IKZF1: variants seen among roughly 807,000 people sequenced by gnomAD.
IKZF1 encodes IKAROS family zinc finger 1.
IKZF1 carries 10 observed loss-of-function variants against 51.7 expected under a neutral mutation model. The ratio of observed to expected loss-of-function variants is 0.19; its 90% confidence interval spans 0.12 to 0.33. The LOEUF (loss-of-function observed/expected upper bound fraction) is 0.33, where lower values mean the gene tolerates loss of function less well. Among genes scored for constraint, IKZF1 ranks in the 10% least tolerant of loss-of-function variants. The pLI is 1.00. For synonymous variants in IKZF1, 280 were observed against 282.3 expected (o/e 0.99, Z 0.08); for missense variants, 484 against 707.5 (o/e 0.68, Z 3.58).
chr7:50,307,865 G>A (rs1207333551), intron 1 of IKZF1, among the ~76,000 whole-genome samples: 1 of 152,112 alleles, frequency 6.6e-6, no homozygotes, highest in South Asian at 2.1e-4. Flanking sequence ...TGTTAGGGAC[G>A]CAGAGCACCT....
chr7:50,319,205 T>C, intron 2 of IKZF1, 104 bp downstream of exon 2: 1 of 847,408 alleles, frequency 1.2e-6, no homozygotes, highest in East Asian at 2.5e-5. Context: ...ATAGGGGCTA[T>C]TCTGCAAAAG....
At chr7:50,316,362 T>C (rs185485747) in intron 1 of IKZF1, among the ~76,000 whole-genome samples, 3 of 152,322 alleles carry the variant, frequency 2.0e-5, no homozygotes, top group African/African-American at 7.2e-5. Flanking sequence ...GTGGTTGAAA[T>C]TGTGTATGCA....
At chr7:50,353,178 G>C (rs1391662009) in intron 3 of IKZF1, among the ~76,000 whole-genome samples, 2 of 152,236 alleles carry the variant, frequency 1.3e-5, no homozygotes, top group East Asian at 3.8e-4. Flanking sequence ...ACAGGAGGCA[G>C]GGAGAGCAAT....
At chr7:50,396,282 C>T (rs1816685272) in intron 7 of IKZF1, among the ~76,000 whole-genome samples, 1 of 152,028 alleles carries the variant, frequency 6.6e-6, no homozygotes, top group Non-Finnish European at 1.5e-5. Flanking sequence ...ACTCACTGTT[C>T]TCTTGTGGTT....
chr7:50,399,928 C>T lies in IKZF1; in HGVS notation c.861C>T (p.Gly287=), dbSNP rs572846532. The change falls in exon 8 of 8, where the codon GGC becomes GGT. Residue 287 remains glycine, a synonymous_variant. Coordinates refer to ENST00000331340, the MANE Select transcript of IKZF1 (RefSeq NM_006060.6). ...SMPQKFLGDK[G]LSDTPYDSSA... is the part of the protein sequence containing the mutation. ...GCCTGCTTTCCACAGGGGACAAGGG[C>T]CTGTCCGACACGCCCTACGACAGCA... The T allele has an allele frequency of 1.9e-6, 3 of 1,612,280 alleles. No individual in the cohort carries two copies. In the East Asian group the frequency reaches 6.7e-5, roughly 36 times the overall value.
At chr7:50,356,522 A>G (rs1161938784) in intron 3 of IKZF1, among the ~76,000 whole-genome samples, 1 of 151,974 alleles carries the variant, frequency 6.6e-6, no homozygotes, top group Non-Finnish European at 1.5e-5. Flanking sequence ...CTGTGTGTAC[A>G]TGTGTGTCTG....
intron 6 of IKZF1, among the ~76,000 whole-genome samples, chr7:50,391,100 A>G (rs1814909761): frequency 6.6e-6 from 1 of 152,252 alleles, no homozygotes; most frequent in African/African-American, 2.4e-5. Flanking sequence ...GAGATGACAT[A>G]GAACAATTGA....
At chr7:50,365,958 A>G (rs895622977) in intron 3 of IKZF1, among the ~76,000 whole-genome samples, 1 of 152,232 alleles carries the variant, frequency 6.6e-6, no homozygotes, top group African/African-American at 2.4e-5. Context: ...AAAAAGAATG[A>G]GATCATGCCC....
chr7:50,343,815 T>C (rs1033541350), intron 3 of IKZF1, among the ~76,000 whole-genome samples: 5 of 152,258 alleles, frequency 3.3e-5, no homozygotes, highest in Admixed American at 2.0e-4. Flanking sequence ...CCTGTTTTGA[T>C]TACCTTCAGA....
At chr7:50,396,926 T>C (rs1221216437) in intron 7 of IKZF1, among the ~76,000 whole-genome samples, 1 of 152,254 alleles carries the variant, frequency 6.6e-6, no homozygotes, top group African/African-American at 2.4e-5. Context: ...CCCTTCAGTG[T>C]AGACCACAGA....
chr7:50,391,435 A>G (rs1424541842), intron 6 of IKZF1, among the ~76,000 whole-genome samples: 1 of 152,170 alleles, frequency 6.6e-6, no homozygotes, highest in Non-Finnish European at 1.5e-5. Context: ...GGACATCAAT[A>G]CTTAATCCCA....
At position 50,376,675 on chromosome 7, in the gene IKZF1, C is replaced by CTCGGCTTTG. The variant is rs1161862095; in HGVS notation, c.308_316dup (p.Ala103_Ser105dup). The CTCGGCTTTG allele has an allele frequency of 6.2e-7, 1 of 1,613,878 alleles. No individual in the cohort carries two copies. Among genetic ancestry groups the CTCGGCTTTG allele is most frequent in the African/African-American group, 1.3e-5 (1 of 74,914 alleles). On this transcript the variant is annotated inframe_insertion, in exon 4 of 8. Transcript: ENST00000331340. The surrounding 1 kb of genome is among the most constrained non-coding windows in gnomAD (Gnocchi z 4.5). The stretch of plus-strand genomic sequence containing the variant: ...ATGGCTCCCACAGGGACCAAGGCAG[C>CTCGGCTTTG]TCGGCTTTGTCGGGAGTTGGAGGCA...
At position 50,335,009 on chromosome 7, in the gene IKZF1, G is replaced by A. The variant is rs892460284; in HGVS notation, c.160+7252G>A. 3.3e-5 allele frequency among the ~76,000 whole-genome samples: 5 copies of A among 150,830 alleles called. No homozygotes were observed. The South Asian group carries it at 6.3e-4, about 19-fold the overall frequency. On this transcript the variant is annotated intron_variant, in intron 3 of 7. Coordinates refer to ENST00000331340, the MANE Select transcript of IKZF1 (RefSeq NM_006060.6). The stretch of plus-strand genomic sequence containing the variant: ...GTGTGCAGGATATGTGGAGTGTGGT[G>A]TATATGTGTGTATTGGATGTGTGGT...
chr7:50,400,093 G>T lies in IKZF1; in HGVS notation c.1026G>T (p.Pro342=). ...QTPPGGSEVV[P]VISPMYQLHK... ...CCCCGGGCGGTTCCGAGGTGGTCCCGGTCATCAGCCCGATGTACCAGCTGC... is the reference window on the plus strand; with the variant it reads ...CCCCGGGCGGTTCCGAGGTGGTCCCTGTCATCAGCCCGATGTACCAGCTGC... The change falls in exon 8 of 8, where the codon CCG becomes CCT. Residue 342 remains proline (P), a synonymous_variant. Coordinates refer to ENST00000331340, the MANE Select transcript of IKZF1 (RefSeq NM_006060.6). The surrounding 1 kb of genome is among the most constrained non-coding windows in gnomAD (Gnocchi z 5.4). 10 of 1,570,614 alleles carry T rather than the reference G, an allele frequency of 6.4e-6. No homozygotes were observed. The highest frequency in any genetic ancestry group is 7.8e-6 in the Non-Finnish European group (9 of 1,160,462).
At chr7:50,373,849 A>AG (rs1017544556) in intron 3 of IKZF1, among the ~76,000 whole-genome samples, 1 of 152,196 alleles carries the variant, frequency 6.6e-6, no homozygotes, top group Non-Finnish European at 1.5e-5. Context: ...TTGCCTCGAC[A>AG]GCCAGCCAGC....
At chr7:50,390,405 A>G (rs1491003294) in intron 6 of IKZF1, among the ~76,000 whole-genome samples, 1 of 152,242 alleles carries the variant, frequency 6.6e-6, no homozygotes, top group African/African-American at 2.4e-5. Flanking sequence ...GGTGTGGCCT[A>G]TATATGTTTG....
In IKZF1 at chr7:50,402,458, G is replaced by C. The variant is rs62447208; in HGVS notation, c.*1831G>C. 37,807 of 231,248 alleles carry C rather than the reference G, an allele frequency of 0.16. 3,445 individuals carry two copies. Among genetic ancestry groups the C allele is most frequent in the Middle Eastern group, 0.24 (185 of 776 alleles). The allele number at this position is 231,248 out of a possible 1,614,324, so 14.3% of individuals were successfully genotyped here. Reference sequence around the variant, plus strand: ...CCGAATTGACAACCCAAACTCTCCAGACATCACCAACTGTCCCCTGCGAGG... The same window carrying C: ...CCGAATTGACAACCCAAACTCTCCACACATCACCAACTGTCCCCTGCGAGG... On this transcript the variant is annotated 3_prime_UTR_variant, in exon 8 of 8. Transcript: ENST00000331340.
At chr7:50,368,050 C>A in intron 3 of IKZF1, 1 of 702,468 alleles carries the variant, frequency 1.4e-6, no homozygotes, top group Non-Finnish European at 2.6e-6. Context: ...TGCAATAATT[C>A]CCAAATCTTT....
At chr7:50,335,503 G>A (rs910369102) in intron 3 of IKZF1, among the ~76,000 whole-genome samples, 1 of 144,598 alleles carries the variant, frequency 6.9e-6, no homozygotes, top group Non-Finnish European at 1.5e-5. Flanking sequence ...GTGTGTATGT[G>A]TGTATGGGAT....
Sources: allele counts gnomAD v4.1 joint callset (sites outside exome capture counted in the v4.1 genomes callset), GRCh38; gene constraint gnomAD v4.1.1; non-coding constraint Gnocchi (gnomAD v3.1); transcripts MANE v1.5; gene names NCBI Gene and HGNC (gene_info 2026-07-23, HGNC 2026-07-21).